The following EWSR1 variants were observed in gnomAD, a reference collection of about 807,000 sequenced individuals.
The protein encoded by EWSR1 is RNA-binding protein EWS.
Under a neutral mutation model 92.1 loss-of-function variants are expected in EWSR1, and 14 were observed. That is an observed-to-expected ratio of 0.15 (90% CI 0.10 to 0.24). The LOEUF is 0.24. Among genes scored for constraint, EWSR1 ranks in the 10% least tolerant of loss-of-function variants. The probability of loss-of-function intolerance (pLI) is 1.00; values close to 1 mark genes in which losing one functional copy is unlikely to be tolerated. For missense variants in EWSR1, 637 were observed against 870.9 expected (o/e 0.73, Z 3.38); for synonymous variants, 303 against 292.9 (o/e 1.03, Z -0.35).
chr22:29,276,045 T>G (rs2059093784), intron 4 of EWSR1: 1 of 231,600 alleles, frequency 4.3e-6, no homozygotes, highest in African/African-American at 2.2e-5. Flanking sequence ...TAACCCAGTG[T>G]CTATTGCTGT....
At chr22:29,280,859 GTTGTTTTTTTTTTTTTTTTTT>G (rs2059522544) in intron 5 of EWSR1, among the ~76,000 whole-genome samples, 7 of 90,978 alleles carry the variant, frequency 7.7e-5, no homozygotes, top group Non-Finnish European at 1.3e-4. Flanking sequence ...GTGTGTGTGT[GTTGTTTTTTTTTTTTTTTTTT>G]TTTTTTTTTT....
chr22:29,299,804 G>A lies in EWSR1; in HGVS notation c.1884G>A (p.Gln628=), dbSNP rs765905902. 6.3e-7 allele frequency: 1 copy of A among 1,576,844 alleles called. No homozygotes were observed. The highest frequency in any genetic ancestry group is 1.9e-5 in the Admixed American group (1 of 53,756). Residue 628 remains glutamine (Q), a synonymous_variant, in exon 16 of 17, where the codon CAG becomes CAA. Coordinates refer to ENST00000397938, the MANE Select transcript of EWSR1 (RefSeq NM_005243.4). ...PGGPPGPLME[Q]MGGRRGGRGG... is the part of the protein sequence containing the mutation. ...GGCCCCCTGGACCTTTGATGGAACA[G>A]ATGGGAGGAAGAAGAGGAGGACGTG... is the stretch of plus-strand genomic sequence containing the variant.
At chr22:29,299,384 T>G (rs564412572) in intron 15 of EWSR1, 53 bp downstream of exon 15, 2 of 1,572,102 alleles carry the variant, frequency 1.3e-6, no homozygotes, top group Admixed American at 1.9e-5. Flanking sequence ...TAAACCTCTT[T>G]TCTTATTTGT....
chr22:29,278,113 A>G lies in EWSR1; in HGVS notation c.310A>G (p.Thr104Ala). ...TGGTGCTTATGATACCACCACTGCT[A>G]CAGTCACCACCACCCAGGCCTCCTA... ...GTGAYDTTTA[T>A]VTTTQASYAA... Residue 104 changes from threonine (T) to alanine (A), a missense_variant, in exon 5 of 17, where the codon ACA (threonine) becomes GCA (alanine). Around this residue, in one of 5 missense-constraint regions of EWSR1, gnomAD observed 144 missense variants for 189.0 expected, o/e 0.76. Coordinates refer to ENST00000397938, the MANE Select transcript of EWSR1 (RefSeq NM_005243.4). 2 of 1,614,166 alleles carry G rather than the reference A, an allele frequency of 1.2e-6. No homozygotes were observed. Among genetic ancestry groups the G allele is most frequent in the Non-Finnish European group, 1.7e-6 (2 of 1,180,022 alleles).
intron 6 of EWSR1, among the ~76,000 whole-genome samples, chr22:29,286,443 C>T (rs1423739366): frequency 6.6e-6 from 1 of 152,016 alleles, no homozygotes; most frequent in African/African-American, 2.4e-5. Context: ...AATCCCAGCA[C>T]TTTGGGAGGC....
intron 9 of EWSR1, 30 bp from the exon 10 acceptor site, chr22:29,292,107 A>G: frequency 6.2e-7 from 1 of 1,608,884 alleles, no homozygotes. Context: ...TGCACTAATA[A>G]TATTTTATAT....
intron 4 of EWSR1, chr22:29,274,510 CT>C: frequency 5.8e-6 from 3 of 513,254 alleles, no homozygotes; most frequent in Non-Finnish European, 1.0e-5. Flanking sequence ...TGTTTCAAGC[CT>C]TAATAATAGT....
intron 6 of EWSR1, among the ~76,000 whole-genome samples, chr22:29,283,636 C>T (rs1448503064): frequency 6.6e-6 from 1 of 150,862 alleles, no homozygotes; most frequent in Non-Finnish European, 1.5e-5. Context: ...AGTGATTCTC[C>T]TGCTTCAGCC....
At position 29,287,209 on chromosome 22, in the gene EWSR1, TG is replaced by T. The variant is rs1346459063; in HGVS notation, c.793+77del. ...TTTTTGTGGGGTTGATTTTTTTTGT[TG>T]GTTTGTTTTTCTTTTGAGATGGAGT... On this transcript the variant is annotated intron_variant, in intron 7 of 16. Coordinates refer to ENST00000397938, the MANE Select transcript of EWSR1 (RefSeq NM_005243.4). 6 of 1,438,942 alleles carry T rather than the reference TG, an allele frequency of 4.2e-6. No individual in the cohort carries two copies. In the East Asian group the frequency reaches 1.5e-4, roughly 35 times the overall value. 89.1% of individuals were successfully genotyped at this position (1,438,942 alleles called of 1,614,324 possible).
rs2518683 is a variant in EWSR1 at position 29,299,939 on chromosome 22, T to G, written c.1931+88T>G. 220,997 of 1,534,244 alleles carry G rather than the reference T, an allele frequency of 0.14. 17,077 individuals are homozygous for G. The highest frequency in any genetic ancestry group is 0.21 in the Middle Eastern group (1,022 of 4,964). On this transcript the variant is annotated intron_variant, in intron 16 of 16. Coordinates refer to ENST00000397938, the MANE Select transcript of EWSR1 (RefSeq NM_005243.4). Reference sequence around the variant, plus strand: ...CTTGGTTGGCGCAAGTCCTCATGTCTCTAGGAAGCTTGTGATAGTGGTTGG... The same window carrying G: ...CTTGGTTGGCGCAAGTCCTCATGTCGCTAGGAAGCTTGTGATAGTGGTTGG...
At chr22:29,292,230 A>G in intron 10 of EWSR1, 61 bp downstream of exon 10, 1 of 1,486,132 alleles carries the variant, frequency 6.7e-7, no homozygotes, top group Non-Finnish European at 9.4e-7. Context: ...TACAGAGGTA[A>G]ATGCATGCGT....
At chr22:29,277,028 G>C (rs1306919217) in intron 4 of EWSR1, 1 of 230,762 alleles carries the variant, frequency 4.3e-6, no homozygotes. Context: ...ACTCTAGTTA[G>C]GAGCTGCAGA....
At chr22:29,275,749 A>T (rs2059060131) in intron 4 of EWSR1, 1 of 229,190 alleles carries the variant, frequency 4.4e-6, no homozygotes, top group Admixed American at 5.7e-5. Flanking sequence ...TTAAAAATTA[A>T]ACTTCAGAAG....
Position 29,268,369 on chromosome 22 carries a change from G to C in EWSR1, c.13+20G>C, listed in dbSNP as rs201112362. ...CCACGGGTGAGTATGGTGGAACTGCGGTCGCGCCGGCGGTAGCCGGAACGC... is the reference window on the plus strand; with the variant it reads ...CCACGGGTGAGTATGGTGGAACTGCCGTCGCGCCGGCGGTAGCCGGAACGC... On this transcript the variant is annotated intron_variant, in intron 1 of 16. Transcript: ENST00000397938. The C allele has an allele frequency of 4.3e-5, 69 of 1,614,000 alleles. No homozygotes were observed. The Middle Eastern group carries it at 5.0e-4, about 12-fold the overall frequency.
chr22:29,300,058 G>A, intron 16 of EWSR1, 64 bp from the exon 17 acceptor site: 1 of 1,392,166 alleles, frequency 7.2e-7, no homozygotes, highest in Non-Finnish European at 9.8e-7. Flanking sequence ...GGGGCACCTG[G>A]GGGCTCTGGA....
chr22:29,291,017 C>T (rs951639011), intron 8 of EWSR1: 1 of 236,852 alleles, frequency 4.2e-6, no homozygotes, highest in Non-Finnish European at 8.3e-6. Context: ...TATTCGTGCC[C>T]TGAGATGTAT....
rs186483457 is a variant in EWSR1 at position 29,289,508 on chromosome 22, C to T, written c.974+722C>T. 1.9e-4 allele frequency: 45 copies of T among 232,736 alleles called. No individual in the cohort carries two copies. In the East Asian group the frequency reaches 2.3e-3, roughly 12 times the overall value. 14.4% of individuals were successfully genotyped at this position (232,736 alleles called of 1,614,324 possible). On this transcript the variant is annotated intron_variant, in intron 8 of 16. Coordinates refer to ENST00000397938, the MANE Select transcript of EWSR1 (RefSeq NM_005243.4). ...CCTCTGCCTGCCCTTCCCCTCCCTT[C>T]TCCCATCCCCTTTTCCCTATCTGGT...
chr22:29,272,045 C>A (rs1016924834), intron 1 of EWSR1, among the ~76,000 whole-genome samples, 171 bp from the exon 2 acceptor site: 1 of 152,024 alleles, frequency 6.6e-6, no homozygotes, highest in East Asian at 1.9e-4. Context: ...CTGGTTTAGA[C>A]TTTTTTTTCT....
chr22:29,272,958 G>T (rs1380187093), intron 3 of EWSR1, among the ~76,000 whole-genome samples: 6 of 152,140 alleles, frequency 3.9e-5, no homozygotes, highest in African/African-American at 1.4e-4. Context: ...TCAAGATAAT[G>T]TTGAATTCTG....
Sources: allele counts gnomAD v4.1 joint callset (sites outside exome capture counted in the v4.1 genomes callset), GRCh38; gene constraint gnomAD v4.1.1; regional missense constraint gnomAD v4.1.1; transcripts MANE v1.5; gene names NCBI Gene and HGNC (gene_info 2026-07-23, HGNC 2026-07-21).